Variants in SCN9A observed in about 807,000 individuals in gnomAD.
SCN9A encodes the protein sodium voltage-gated channel alpha subunit 9.
SCN9A carries 131 observed loss-of-function variants against 187.0 expected under a neutral mutation model. The observed-to-expected ratio is 0.70, with a 90% CI of 0.61 to 0.81. The LOEUF is 0.81. Among genes scored for constraint, SCN9A ranks in the 30% least tolerant of loss-of-function variants. The pLI is 0.00. For synonymous variants in SCN9A, 809 were observed against 808.6 expected (o/e 1.00, Z -0.01); for missense variants, 2,252 against 2,396.6 (o/e 0.94, Z 1.26).
intron 1 of SCN9A, among the ~76,000 whole-genome samples, chr2:166,346,585 C>T (rs1248996488): frequency 6.6e-6 from 1 of 152,042 alleles, no homozygotes; most frequent in Non-Finnish European, 1.5e-5. Context: ...ATATGTATCT[C>T]CTGTTTGTGA....
At position 166,305,994 on chromosome 2, in the gene SCN9A, T is replaced by G. The variant is rs183370069; in HGVS notation, c.468-74A>C. On this transcript the variant is annotated intron_variant, in intron 4 of 26. Transcript: ENST00000642356. ...ACCATGTAAATCTTTATAACTTATT[T>G]TCTCTAATTAACCACTGGAAGACAT... is the stretch of plus-strand genomic sequence containing the variant. 7.4e-4 allele frequency: 1,157 copies of G among 1,566,672 alleles called. 10 individuals carry two copies. The African/African-American group carries it at 0.012, about 17-fold the overall frequency.
At chr2:166,227,852 T>G (rs1167370842) in intron 22 of SCN9A, 129 bp from the exon 23 acceptor site, 1 of 639,390 alleles carries the variant, frequency 1.6e-6, no homozygotes, top group African/African-American at 1.9e-5. Context: ...GTATTCAACA[T>G]GTCCATTTAA....
intron 8 of SCN9A, among the ~76,000 whole-genome samples, 199 bp from the exon 9 acceptor site, chr2:166,293,571 A>T (rs193235791): frequency 7.9e-5 from 12 of 152,348 alleles, no homozygotes; most frequent in African/African-American, 2.4e-4. Flanking sequence ...TGAAAATAGG[A>T]TAATAACATC....
chr2:166,239,619 T>C lies in SCN9A; in HGVS notation c.3628-1352A>G, dbSNP rs979826673. On this transcript the variant is annotated intron_variant, in intron 19 of 26. Transcript: ENST00000642356. The stretch of plus-strand genomic sequence containing the variant: ...ATGGAATTGAAGTGCAGAGGGAGGC[T>C]TCTAGCCCTCAGGATTTTCCTCCCC... Among the ~76,000 whole-genome samples the C allele has an allele frequency of 2.6e-5, 4 of 152,112 alleles. No individual in the cohort carries two copies. The East Asian group carries it at 7.7e-4, about 29-fold the overall frequency.
At position 166,254,412 on chromosome 2, in the gene SCN9A, C is replaced by T. The variant is rs868183421; in HGVS notation, c.3352-2527G>A. Among the ~76,000 whole-genome samples, 163 of 151,540 alleles carry T rather than the reference C, an allele frequency of 1.1e-3. 1 individual carries two copies. Among genetic ancestry groups the T allele is most frequent in the African/African-American group, 3.8e-3 (157 of 41,468 alleles). On this transcript the variant is annotated intron_variant, in intron 17 of 26. Coordinates refer to ENST00000642356, the MANE Select transcript of SCN9A (RefSeq NM_001365536.1). ...GTCAATTCAGCCTTTGAAATCTATA[C>T]TTGCTACAGTATAAGCTTCTTTAGC...
chr2:166,364,356 A>G (rs1225484657), intron 1 of SCN9A, among the ~76,000 whole-genome samples: 3 of 152,048 alleles, frequency 2.0e-5, no homozygotes, highest in Admixed American at 2.0e-4. Context: ...AATAGAAGGG[A>G]CGCATGTAGT....
intron 3 of SCN9A, 26 bp from the exon 4 acceptor site, chr2:166,306,625 AGAC>A: frequency 7.0e-7 from 1 of 1,431,994 alleles, no homozygotes; most frequent in Non-Finnish European, 9.7e-7. Flanking sequence ...GGAACAAAAG[AGAC>A]GACAGTGGGA....
chr2:166,212,013 T>C (rs1042479771), intron 24 of SCN9A, among the ~76,000 whole-genome samples: 1 of 152,212 alleles, frequency 6.6e-6, no homozygotes, highest in Admixed American at 6.5e-5. Context: ...TCCAGTTATA[T>C]GCTGTCTCCA....
At chr2:166,204,301 A>T in intron 25 of SCN9A, 59 bp downstream of exon 25, 1 of 1,558,066 alleles carries the variant, frequency 6.4e-7, no homozygotes, top group Non-Finnish European at 8.8e-7. Context: ...GATGTGCATT[A>T]AAAATGAATT....
At chr2:166,312,214 A>G (rs1336758017) in intron 1 of SCN9A, among the ~76,000 whole-genome samples, 1 of 152,134 alleles carries the variant, frequency 6.6e-6, no homozygotes, top group African/African-American at 2.4e-5. Flanking sequence ...AACTTATGTA[A>G]TATTCTAAAT....
At chr2:166,214,590 C>T (rs1263616563) in intron 24 of SCN9A, among the ~76,000 whole-genome samples, 1 of 133,888 alleles carries the variant, frequency 7.5e-6, no homozygotes, top group Non-Finnish European at 1.6e-5. Context: ...TCTCGGCTCA[C>T]TGCAAGCTCC....
intron 21 of SCN9A, among the ~76,000 whole-genome samples, chr2:166,232,423 A>G (rs1261618611): frequency 6.6e-6 from 1 of 152,158 alleles, no homozygotes; most frequent in African/African-American, 2.4e-5. Context: ...TAAAGGTGAA[A>G]TTAAATGTGA....
rs764006250 is a variant in SCN9A, at chr2:166,277,004, G to C, written c.2853C>G (p.Val951=). The C allele has an allele frequency of 2.5e-5, 41 of 1,613,478 alleles. No individual in the cohort carries two copies. The East Asian group carries it at 8.5e-4, about 33-fold the overall frequency. The change falls in exon 16 of 27, where the codon GTC becomes GTG. Residue 951 remains valine (V), a synonymous_variant. Coordinates refer to ENST00000642356, the MANE Select transcript of SCN9A (RefSeq NM_001365536.1). The part of the protein sequence containing the change: ...QAMCLIVYMM[V]MVIGNLVVLN... ...ATACCACCAGGTTTCCAATGACCATGACCATCATGTAAACAATAAGGCACA... is the reference window on the plus strand; with the variant it reads ...ATACCACCAGGTTTCCAATGACCATCACCATCATGTAAACAATAAGGCACA...
At chr2:166,372,108 G>T (rs147833108) in intron 1 of SCN9A, among the ~76,000 whole-genome samples, 34 of 152,228 alleles carry the variant, frequency 2.2e-4, no homozygotes, top group African/African-American at 8.2e-4. Flanking sequence ...GTGTGAGTGT[G>T]AGTGTGTGTG....
chr2:166,290,518 T>C lies in SCN9A; in HGVS notation c.1108-1875A>G, dbSNP rs150810472. Among the ~76,000 whole-genome samples, 739 of 152,300 alleles carry C rather than the reference T, an allele frequency of 4.9e-3. 6 individuals carry two copies. Among genetic ancestry groups the C allele is most frequent in the African/African-American group, 0.017 (692 of 41,574 alleles). On this transcript the variant is annotated intron_variant, in intron 9 of 26. Transcript: ENST00000642356. ...ACTGTCTTCAAAATTGTTGAACTAA[T>C]TTACACTCCCACCAACAGTGTAAAA...
intron 18 of SCN9A, among the ~76,000 whole-genome samples, chr2:166,250,994 G>GTTTTT (rs1418121556): frequency 6.7e-6 from 1 of 148,298 alleles, no homozygotes; most frequent in Non-Finnish European, 1.5e-5. Context: ...TTTTGTTTTT[G>GTTTTT]TTTTTGCTTT....
chr2:166,275,922 A>G lies in SCN9A; in HGVS notation c.2874+1061T>C, dbSNP rs182213298. On this transcript the variant is annotated intron_variant, in intron 16 of 26. Coordinates refer to ENST00000642356, the MANE Select transcript of SCN9A (RefSeq NM_001365536.1). ...CTCTTTTTATGGTGGTTACAAGGAC[A>G]ACAATATTTTAGTAATTTTTTTCAA... Among the ~76,000 whole-genome samples, 218 of 152,304 alleles carry G rather than the reference A, an allele frequency of 1.4e-3. 1 individual carries two copies. The highest frequency in any genetic ancestry group is 5.0e-3 in the African/African-American group (209 of 41,572).
intron 24 of SCN9A, among the ~76,000 whole-genome samples, chr2:166,214,972 A>G (rs1404142200): frequency 6.6e-6 from 1 of 152,178 alleles, no homozygotes; most frequent in East Asian, 1.9e-4. Flanking sequence ...TTTATAGAAC[A>G]GTTCATCCAA....
At chr2:166,286,729 A>C in intron 10 of SCN9A, 106 bp from the exon 11 acceptor site, 3 of 757,858 alleles carry the variant, frequency 4.0e-6, no homozygotes, top group Non-Finnish European at 5.7e-6. Context: ...GGTGCATATA[A>C]TCATGTCCTT....
Sources: allele counts gnomAD v4.1 joint callset (sites outside exome capture counted in the v4.1 genomes callset), GRCh38; gene constraint gnomAD v4.1.1; transcripts MANE v1.5; gene names NCBI Gene and HGNC (gene_info 2026-07-23, HGNC 2026-07-21).